Variants in FCER2 observed in about 807,000 individuals in gnomAD.
FCER2 encodes low affinity immunoglobulin epsilon Fc receptor.
In FCER2, 38 loss-of-function variants were observed where a neutral mutation model predicts 49.7. The ratio of observed to expected loss-of-function variants is 0.76; its 90% CI spans 0.59 to 1.00. The LOEUF (loss-of-function observed/expected upper bound fraction) is 1.00. Among genes scored for constraint, FCER2 ranks in the 50% least tolerant of loss-of-function variants. The pLI is 0.00. For missense variants in FCER2, 425 were observed against 419.5 expected (o/e 1.01, Z -0.11); for synonymous variants, 163 against 164.6 (o/e 0.99, Z 0.07).
At chr19:7,696,716 C>T (rs549864097) in intron 8 of FCER2, 109 bp downstream of exon 8, 37 of 780,812 alleles carry the variant, frequency 4.7e-5, no homozygotes, top group Admixed American at 1.9e-4. Context: ...GTCACACAAA[C>T]GTATAGACAT....
chr19:7,699,507 G>A, intron 2 of FCER2: 1 of 1,315,132 alleles, frequency 7.6e-7, no homozygotes, highest in Non-Finnish European at 9.8e-7. Flanking sequence ...TTCTTTTTTT[G>A]TCAGGAGGGT....
chr19:7,699,245 C>T (rs1599442801), intron 2 of FCER2: 1 of 495,426 alleles, frequency 2.0e-6, no homozygotes, highest in Non-Finnish European at 3.6e-6. Context: ...CCAGTTCTTC[C>T]CCAACATCGG....
intron 8 of FCER2, 37 bp downstream of exon 8, chr19:7,696,788 G>C: frequency 1.3e-6 from 2 of 1,497,814 alleles, no homozygotes; most frequent in Non-Finnish European, 1.8e-6. Context: ...CCCAGGTGAG[G>C]TCACGCGTCG....
intron 2 of FCER2, chr19:7,699,387 A>T (rs2033102781): frequency 7.3e-7 from 1 of 1,364,350 alleles, no homozygotes; most frequent in African/African-American, 1.5e-5. Context: ...CCTGGCTTGG[A>T]GGATTCATTA....
At chr19:7,692,266 T>A (rs563031666) in intron 8 of FCER2, among the ~76,000 whole-genome samples, 8 of 132,358 alleles carry the variant, frequency 6.0e-5, no homozygotes, top group Non-Finnish European at 8.0e-5. Flanking sequence ...ATGAACACAT[T>A]CACGTCCATC....
intron 8 of FCER2, among the ~76,000 whole-genome samples, chr19:7,690,911 C>T (rs1455146015): frequency 6.6e-6 from 1 of 152,084 alleles, no homozygotes; most frequent in African/African-American, 2.4e-5. Context: ...CCAATATGGT[C>T]AACACCATGA....
At chr19:7,695,920 CTTTTTTTTTTTTT>C (rs60387474) in intron 8 of FCER2, among the ~76,000 whole-genome samples, 1 of 80,678 alleles carries the variant, frequency 1.2e-5, no homozygotes, top group Admixed American at 1.4e-4. Flanking sequence ...CCATCTCTCT[CTTTTTTTTTTTTT>C]TTTTTTTTTT....
chr19:7,699,714 C>A, intron 2 of FCER2, 25 bp downstream of exon 2: 3 of 1,611,588 alleles, frequency 1.9e-6, no homozygotes, highest in Non-Finnish European at 2.5e-6. Flanking sequence ...CTTCTGCCAA[C>A]GTTAGAACCA....
At chr19:7,699,543 T>C in intron 2 of FCER2, 196 bp downstream of exon 2, 1 of 1,305,674 alleles carries the variant, frequency 7.7e-7, no homozygotes, top group Non-Finnish European at 1.0e-6. Context: ...GGAGGGGCCC[T>C]CAATTTGCCA....
In FCER2 at chr19:7,696,868, C is replaced by G; in HGVS notation, c.426G>C (p.Arg142=). 6.3e-7 allele frequency: 1 copy of G among 1,587,722 alleles called. No individual in the cohort carries two copies. The highest frequency in any genetic ancestry group is 8.6e-7 in the Non-Finnish European group (1 of 1,166,276). ...CCATCCTTAGCTTTGTCACCTCCTC[C>G]CGGAGTCTTTCCAGCAAATCTGAAG... ...NEASDLLERL[R]EEVTKLRMEL... Residue 142 remains arginine, a synonymous_variant, in exon 8 of 11, where the codon CGG becomes CGC. Coordinates refer to ENST00000597921, the MANE Select transcript of FCER2 (RefSeq NM_001220500.2).
intron 8 of FCER2, among the ~76,000 whole-genome samples, chr19:7,694,286 C>T (rs192806243): frequency 1.3e-5 from 2 of 152,156 alleles, no homozygotes; most frequent in East Asian, 3.9e-4. Flanking sequence ...GATCACTTGA[C>T]CCCAGGAGTT....
At chr19:7,693,901 G>A (rs1050405133) in intron 8 of FCER2, among the ~76,000 whole-genome samples, 2 of 150,958 alleles carry the variant, frequency 1.3e-5, no homozygotes, top group Admixed American at 6.6e-5. Flanking sequence ...CACCTGCCTC[G>A]GCCTCCCAAA....
rs768213654 is a variant in FCER2, at chr19:7,697,308, G to T, written c.254-10C>A. The T allele has an allele frequency of 1.1e-5, 18 of 1,613,948 alleles. No individual in the cohort carries two copies. Among genetic ancestry groups the T allele is most frequent in the Non-Finnish European group, 1.5e-5 (18 of 1,179,926 alleles). ...TGTGAAATCTGCGTGGCTGTTTGCA[G>T]GGGAGGGGGCTTCATGGTAAGCAGG... On this transcript the variant is annotated splice_polypyrimidine_tract_variant and intron_variant, in intron 5 of 10. Coordinates refer to ENST00000597921, the MANE Select transcript of FCER2 (RefSeq NM_001220500.2).
At chr19:7,698,316 A>G (rs2033069431) in intron 4 of FCER2, 40 bp downstream of exon 4, 2 of 1,461,028 alleles carry the variant, frequency 1.4e-6, no homozygotes, top group Non-Finnish European at 1.9e-6. Context: ...TGGGCATCCT[A>G]ACCCTCACCC....
chr19:7,690,206 G>T lies in FCER2; in HGVS notation c.681C>A (p.Asp227Glu), dbSNP rs369340108. The change falls in exon 10 of 11, where the codon GAC (aspartate) becomes GAA (glutamate). Residue 227 changes from aspartate to glutamate, a missense_variant. Coordinates refer to ENST00000597921, the MANE Select transcript of FCER2 (RefSeq NM_001220500.2). The part of the protein sequence containing the change: ...TGSWIGLRNL[D>E]LKGEFIWVDG... ...CCACCCAGATAAACTCCCCCTTCAG[G>T]TCCAAGTTCCGAAGGCCAATCCAGG... 1 of 1,613,842 alleles carries T rather than the reference G, an allele frequency of 6.2e-7. No homozygotes were observed. Among genetic ancestry groups the T allele is most frequent in the Non-Finnish European group, 8.5e-7 (1 of 1,179,890 alleles).
Position 7,699,784 on chromosome 19 carries a change from G to C in FCER2, c.-24C>G. The C allele has an allele frequency of 6.2e-7, 1 of 1,612,358 alleles. No homozygotes were observed. Among genetic ancestry groups the C allele is most frequent in the Non-Finnish European group, 8.5e-7 (1 of 1,178,570 alleles). Reference sequence around the variant, plus strand: ...ATGGCGGTCCTGCTTGGATTCTCCCGATGATGGAGCACTCACTCCCTGACA... The same window carrying C: ...ATGGCGGTCCTGCTTGGATTCTCCCCATGATGGAGCACTCACTCCCTGACA... On this transcript the variant is annotated 5_prime_UTR_variant, in exon 2 of 11. It adds an upstream start codon to the 5' untranslated region. Coordinates refer to ENST00000597921, the MANE Select transcript of FCER2 (RefSeq NM_001220500.2).
chr19:7,699,568 T>A, intron 2 of FCER2, 171 bp downstream of exon 2: 2 of 1,196,582 alleles, frequency 1.7e-6, no homozygotes, highest in South Asian at 1.5e-5. Context: ...TTCCTGGCTC[T>A]GTGCCAGGAA....
Position 7,698,863 on chromosome 19 carries a change from G to T in FCER2, c.23-9C>A, listed in dbSNP as rs1422919024. ...GGGAAGCTCCTCGATCTCTGCCGGG[G>T]GTGGAGGGACTGACTATGGGTGCAG... On this transcript the variant is annotated splice_polypyrimidine_tract_variant and intron_variant, in intron 2 of 10. Coordinates refer to ENST00000597921, the MANE Select transcript of FCER2 (RefSeq NM_001220500.2). 4 of 1,577,616 alleles carry T rather than the reference G, an allele frequency of 2.5e-6. No individual in the cohort carries two copies. The highest frequency in any genetic ancestry group is 1.8e-5 in the Admixed American group (1 of 54,378).
intron 8 of FCER2, 76 bp from the exon 9 acceptor site, chr19:7,690,633 C>T (rs1461645247): frequency 4.7e-5 from 69 of 1,470,992 alleles, no homozygotes; most frequent in Non-Finnish European, 6.3e-5. Flanking sequence ...GGTGGCAGCA[C>T]CCCTCCTAGG....
Sources: allele counts gnomAD v4.1 joint callset (sites outside exome capture counted in the v4.1 genomes callset), GRCh38; gene constraint gnomAD v4.1.1; transcripts MANE v1.5; gene names NCBI Gene and HGNC (gene_info 2026-07-23, HGNC 2026-07-21).